The following PLD1 variants were observed in gnomAD, a reference collection of about 807,000 sequenced individuals.
The protein encoded by PLD1 is phospholipase D1.
In PLD1, 112 loss-of-function variants were observed where a neutral mutation model predicts 137.1. That is an observed-to-expected ratio of 0.82 (90% CI 0.70 to 0.96). The LOEUF (loss-of-function observed/expected upper bound fraction) is 0.96. PLD1 is among the 40% of genes least tolerant of loss of function. PLD1 has a pLI of 0.00. For missense variants in PLD1, 1,321 were observed against 1,342.0 expected (o/e 0.98, Z 0.24); for synonymous variants, 431 against 454.7 (o/e 0.95, Z 0.66).
chr3:171,762,683 G>C (rs1208246798), intron 1 of PLD1, among the ~76,000 whole-genome samples: 3 of 152,260 alleles, frequency 2.0e-5, no homozygotes, highest in African/African-American at 7.2e-5. Context: ...ATGGTGGGTC[G>C]GACTGTGCAA....
At chr3:171,741,449 A>G (rs1719764227) in intron 1 of PLD1, among the ~76,000 whole-genome samples, 1 of 152,188 alleles carries the variant, frequency 6.6e-6, no homozygotes, top group Non-Finnish European at 1.5e-5. Context: ...TTTCATCTAA[A>G]ATAATCTATA....
intron 1 of PLD1, chr3:171,789,994 T>C (rs1160358155): frequency 6.6e-6 from 1 of 152,242 alleles, no homozygotes; most frequent in Non-Finnish European, 1.5e-5. Context: ...CAGCAACATT[T>C]TGCAGCATGC....
intron 23 of PLD1, among the ~76,000 whole-genome samples, chr3:171,623,648 A>C (rs1733838144): frequency 6.7e-6 from 1 of 148,520 alleles, no homozygotes; most frequent in Admixed American, 6.8e-5. Flanking sequence ...AACACATACT[A>C]TAAAGTCTGT....
rs139834478 is a variant in PLD1, at chr3:171,715,216, A to C, written c.759-1171T>G. Among the ~76,000 whole-genome samples the C allele has an allele frequency of 4.3e-4, 65 of 152,274 alleles. 3 individuals are homozygous for C. The East Asian group carries it at 0.012, about 29-fold the overall frequency. On this transcript the variant is annotated intron_variant, in intron 8 of 26. Coordinates refer to ENST00000351298, the MANE Select transcript of PLD1 (RefSeq NM_002662.5). ...CAGCACTGTTTACTGAAGAGTGTGC[A>C]CTTTCCCCAAAGAATGTTCTTGATG...
intron 1 of PLD1, among the ~76,000 whole-genome samples, chr3:171,774,561 G>A (rs1233038493): frequency 6.6e-6 from 1 of 152,172 alleles, no homozygotes; most frequent in Non-Finnish European, 1.5e-5. Context: ...ATGTTGAAAA[G>A]GTAAGTAGGA....
At chr3:171,622,846 CAG>C (rs1254035599) in intron 23 of PLD1, among the ~76,000 whole-genome samples, 1 of 151,058 alleles carries the variant, frequency 6.6e-6, no homozygotes, top group Non-Finnish European at 1.5e-5. Context: ...AATATAATAA[CAG>C]GATATAAATT....
chr3:171,627,281 A>C (rs1235451559), intron 23 of PLD1, among the ~76,000 whole-genome samples: 2 of 152,170 alleles, frequency 1.3e-5, no homozygotes, highest in Non-Finnish European at 2.9e-5. Flanking sequence ...ACATAATGGT[A>C]AAGGGATCAA....
chr3:171,734,634 C>T (rs1175333956), intron 5 of PLD1, among the ~76,000 whole-genome samples: 5 of 152,080 alleles, frequency 3.3e-5, no homozygotes, highest in Non-Finnish European at 7.4e-5. Context: ...ACAGCTTCTT[C>T]ATAATGTCAA....
At chr3:171,656,599 C>T (rs1047150200) in intron 21 of PLD1, among the ~76,000 whole-genome samples, 1 of 152,358 alleles carries the variant, frequency 6.6e-6, no homozygotes, top group South Asian at 2.1e-4. Flanking sequence ...GGCCAGGCCC[C>T]GATCCAGGAA....
rs1016776500 is a variant in PLD1, at chr3:171,600,810, T to C, written c.*2268A>G. ...CCATAGAAAGCAGTAGTAAGACTTC[T>C]TATATGAGACTAAGATTTTCATTTC... On this transcript the variant is annotated 3_prime_UTR_variant, in exon 27 of 27. Coordinates refer to ENST00000351298, the MANE Select transcript of PLD1 (RefSeq NM_002662.5). 5 of 152,230 alleles carry C rather than the reference T, an allele frequency of 3.3e-5. No individual in the cohort carries two copies. The highest frequency in any genetic ancestry group is 1.2e-4 in the African/African-American group (5 of 41,454). The allele number at this position is 152,230 out of a possible 1,614,324, so 9.4% of individuals were successfully genotyped here.
chr3:171,710,596 T>C (rs1300949236), intron 9 of PLD1, among the ~76,000 whole-genome samples: 1 of 152,168 alleles, frequency 6.6e-6, no homozygotes, highest in East Asian at 1.9e-4. Flanking sequence ...CGCCCACTGC[T>C]CACCTCCTGC....
intron 1 of PLD1, among the ~76,000 whole-genome samples, chr3:171,768,667 G>T (rs1010686288): frequency 1.3e-5 from 2 of 152,124 alleles, no homozygotes; most frequent in Non-Finnish European, 2.9e-5. Flanking sequence ...TCAACGTTTG[G>T]GGCGTAGCCA....
rs1713406107 is a variant in PLD1, at chr3:171,676,777, C to G, written c.2053G>C (p.Val685Leu). 1.9e-6 allele frequency: 3 copies of G among 1,614,094 alleles called. No individual in the cohort carries two copies. The highest frequency in any genetic ancestry group is 2.5e-6 in the Non-Finnish European group (3 of 1,180,040). The change falls in exon 18 of 27, where the codon GTC becomes CTC. Residue 685 changes from valine (V) to leucine (L), a missense_variant. Coordinates refer to ENST00000351298, the MANE Select transcript of PLD1 (RefSeq NM_002662.5). ...RMPWHDIASA[V>L]HGKAARDVAR... ...ACATCACGAGCCGCCTTCCCGTGGA[C>G]TGCAGAGGCAATGTCATGCCAGGGC...
At chr3:171,725,303 T>A (rs898513173) in intron 7 of PLD1, among the ~76,000 whole-genome samples, 3 of 152,220 alleles carry the variant, frequency 2.0e-5, no homozygotes, top group African/African-American at 7.2e-5. Context: ...ATGGTCCACC[T>A]GCTGTTGAGA....
At chr3:171,682,861 C>T (rs1477655051) in intron 16 of PLD1, among the ~76,000 whole-genome samples, 2 of 152,048 alleles carry the variant, frequency 1.3e-5, no homozygotes, top group African/African-American at 4.8e-5. Flanking sequence ...CTAGAAGGAC[C>T]CCATGATCCT....
At chr3:171,770,087 C>T (rs866024145) in intron 1 of PLD1, among the ~76,000 whole-genome samples, 7 of 152,222 alleles carry the variant, frequency 4.6e-5, no homozygotes, top group East Asian at 1.9e-4. Flanking sequence ...TTTAAATTAA[C>T]GAGATTAAGG....
intron 21 of PLD1, among the ~76,000 whole-genome samples, chr3:171,657,790 C>T (rs1391806687): frequency 1.3e-5 from 2 of 151,326 alleles, no homozygotes; most frequent in African/African-American, 2.4e-5. Flanking sequence ...ACAAGCGATA[C>T]AAGGAAAAAA....
In PLD1 at chr3:171,612,393, C is replaced by A; in HGVS notation, c.2768G>T (p.Arg923Leu). The change falls in exon 25 of 27, where the codon CGT becomes CTT. Residue 923 changes from arginine (R) to leucine (L), a missense_variant. Physicochemically the swap from Arg to Leu is moderately radical, Grantham distance 102 (BLOSUM62 -2). Transcript: ENST00000351298. The surrounding 1 kb of genome is among the most constrained non-coding windows in gnomAD (Gnocchi z 4.1). ...NINDRSMLGK[R>L]DSEMAVIVQD... is the part of the protein sequence containing the mutation. Reference sequence around the variant, plus strand: ...CACAATGACAGCCATTTCACTGTCACGCTTTCCCAGCATGCTGCGGTCATT... The same window carrying A: ...CACAATGACAGCCATTTCACTGTCAAGCTTTCCCAGCATGCTGCGGTCATT... The A allele has an allele frequency of 6.2e-7, 1 of 1,614,024 alleles. No individual in the cohort carries two copies. Among genetic ancestry groups the A allele is most frequent in the South Asian group, 1.1e-5 (1 of 91,078 alleles).
intron 23 of PLD1, among the ~76,000 whole-genome samples, chr3:171,621,080 T>C (rs1285926894): frequency 1.3e-5 from 2 of 151,996 alleles, no homozygotes; most frequent in Non-Finnish European, 2.9e-5. Flanking sequence ...AATAAAAATG[T>C]TGGCAATGAA....
Sources: allele counts gnomAD v4.1 joint callset (sites outside exome capture counted in the v4.1 genomes callset), GRCh38; gene constraint gnomAD v4.1.1; non-coding constraint Gnocchi (gnomAD v3.1); transcripts MANE v1.5; gene names NCBI Gene and HGNC (gene_info 2026-07-23, HGNC 2026-07-21).